CENPE: variants seen among roughly 807,000 people sequenced by gnomAD.
The protein encoded by CENPE is centromere-associated protein E.
Under a neutral mutation model 336.1 loss-of-function variants are expected in CENPE, and 145 were observed. The ratio of observed to expected loss-of-function variants is 0.43; its 90% CI spans 0.38 to 0.50. CENPE has a LOEUF of 0.50. Among genes scored for constraint, CENPE ranks in the 20% least tolerant of loss-of-function variants. The pLI, the probability that CENPE is intolerant of heterozygous loss-of-function variation, is 0.00. For missense variants in CENPE, 2,719 were observed against 3,023.3 expected, an observed-to-expected ratio of 0.90 and a Z score of 2.36; for synonymous variants, 1,013 against 984.8, an observed-to-expected ratio of 1.03 and a Z score of -0.54.
Position 103,122,863 on chromosome 4 carries a change from T to C in CENPE, c.7143+8A>G. The C allele has an allele frequency of 6.3e-7, 1 of 1,595,554 alleles. No individual in the cohort carries two copies. The highest frequency in any genetic ancestry group is 8.6e-7 in the Non-Finnish European group (1 of 1,163,896). On this transcript the variant is annotated splice_region_variant and intron_variant, in intron 43 of 48. Transcript: ENST00000265148. ...AAACTGAAGAACATTTTATAAGAAA[T>C]TATATACCTCTGTGGTTAACTGTGT...
chr4:103,182,557 T>A (rs1378496935), intron 11 of CENPE, among the ~76,000 whole-genome samples: 1 of 152,152 alleles, frequency 6.6e-6, no homozygotes, highest in African/African-American at 2.4e-5. Context: ...AGTAAAATAG[T>A]GTTGGGTGTG....
intron 46 of CENPE, among the ~76,000 whole-genome samples, chr4:103,113,498 T>C: frequency 7.1e-6 from 1 of 141,400 alleles, no homozygotes; most frequent in South Asian, 2.1e-4. Context: ...ATATATGTTA[T>C]ACTTATATAT....
chr4:103,171,449 T>A (rs77140023), intron 16 of CENPE, among the ~76,000 whole-genome samples: 2,058 of 152,058 alleles, frequency 0.014, 36 homozygotes, highest in African/African-American at 0.047. Context: ...AGAGTAATTT[T>A]AAAAAGCTAA....
chr4:103,150,160 T>C (rs72946153), intron 26 of CENPE, among the ~76,000 whole-genome samples: 9,945 of 152,218 alleles, frequency 0.065, 1,069 homozygotes, highest in African/African-American at 0.23. Context: ...CCCCAAATAC[T>C]GAGACATTAA....
At chr4:103,156,523 C>A (rs7675793) in intron 24 of CENPE, among the ~76,000 whole-genome samples, 2,726 of 152,104 alleles carry the variant, frequency 0.018, 70 homozygotes, top group African/African-American at 0.059. Context: ...AAAACAATAG[C>A]CACACACAAA....
At chr4:103,154,652 T>C (rs1259204447) in intron 24 of CENPE, among the ~76,000 whole-genome samples, 1 of 152,110 alleles carries the variant, frequency 6.6e-6, no homozygotes, top group Admixed American at 6.5e-5. Flanking sequence ...TTTTCTGTAA[T>C]GATAGCCAAG....
chr4:103,190,963 A>C (rs1289301245), intron 8 of CENPE, among the ~76,000 whole-genome samples: 15 of 152,144 alleles, frequency 9.9e-5, no homozygotes, highest in East Asian at 9.6e-4. Context: ...AAAAACAAAC[A>C]ACCACATCGA....
At chr4:103,159,994 T>A (rs1349380999) in intron 21 of CENPE, among the ~76,000 whole-genome samples, 1 of 151,842 alleles carries the variant, frequency 6.6e-6, no homozygotes, top group African/African-American at 2.4e-5. Context: ...AGGAGGCAGA[T>A]TTATGTGGCT....
chr4:103,195,875 A>T, intron 4 of CENPE, 45 bp downstream of exon 4: 1 of 1,112,718 alleles, frequency 9.0e-7, no homozygotes, highest in Non-Finnish European at 1.4e-6. Flanking sequence ...CCCAGTTTTT[A>T]CTAGTTTTAC....
intron 26 of CENPE, among the ~76,000 whole-genome samples, chr4:103,150,421 A>C (rs1425691953): frequency 6.6e-6 from 1 of 152,090 alleles, no homozygotes; most frequent in Non-Finnish European, 1.5e-5. Context: ...GTTTCTACCA[A>C]AAATACAACA....
intron 8 of CENPE, among the ~76,000 whole-genome samples, chr4:103,188,115 C>A (rs1380428454): frequency 6.6e-6 from 1 of 152,020 alleles, no homozygotes; most frequent in Non-Finnish European, 1.5e-5. Flanking sequence ...TATATATGCA[C>A]CCAATACAGG....
chr4:103,124,339 A>G (rs1364133289), intron 42 of CENPE, among the ~76,000 whole-genome samples: 1 of 152,218 alleles, frequency 6.6e-6, no homozygotes, highest in Non-Finnish European at 1.5e-5. Context: ...TTGGATGTGG[A>G]TGATGACAAT....
chr4:103,120,327 G>A lies in CENPE; in HGVS notation c.7150C>T (p.Arg2384Ter), dbSNP rs267599968. 1 of 1,604,542 alleles carries A rather than the reference G, an allele frequency of 6.2e-7. No homozygotes were observed. Among genetic ancestry groups the A allele is most frequent in the Non-Finnish European group, 8.5e-7 (1 of 1,177,586 alleles). ...RATQLTTEKI[R>*]ELENSLHEAK... is the part of the protein sequence containing the mutation. ...TCATGCAGTGAATTTTCCAGCTCTC[G>A]AATTTTCTATTAGAAAAAGCACACA... is the stretch of plus-strand genomic sequence containing the variant. Residue 2384 changes from arginine to a stop codon, truncating the protein, a stop_gained, in exon 44 of 49, where the codon CGA (arginine) becomes TGA (stop). Coordinates refer to ENST00000265148, the MANE Select transcript of CENPE (RefSeq NM_001813.3). LOFTEE classifies it high-confidence loss of function.
intron 16 of CENPE, among the ~76,000 whole-genome samples, chr4:103,172,593 T>C (rs1183184152): frequency 6.6e-6 from 1 of 152,054 alleles, no homozygotes; most frequent in Non-Finnish European, 1.5e-5. Context: ...CAGGAAGTTC[T>C]AGCTAGAGCT....
intron 16 of CENPE, among the ~76,000 whole-genome samples, chr4:103,165,879 TAA>T (rs201641959): frequency 7.9e-5 from 11 of 139,822 alleles, no homozygotes; most frequent in African/African-American, 7.9e-5. Context: ...CTTTGTGTTT[TAA>T]AAAAAAAAAA....
chr4:103,190,999 C>T (rs1408418617), intron 8 of CENPE, among the ~76,000 whole-genome samples: 2 of 150,346 alleles, frequency 1.3e-5, no homozygotes, highest in Non-Finnish European at 3.0e-5. Context: ...TATGAACAGA[C>T]ACTTCTCAAA....
chr4:103,115,905 G>A (rs1750062994), intron 45 of CENPE, among the ~76,000 whole-genome samples: 1 of 151,684 alleles, frequency 6.6e-6, no homozygotes, highest in African/African-American at 2.4e-5. Flanking sequence ...AATTTTTTTG[G>A]TATTTTTAGT....
intron 22 of CENPE, 47 bp from the exon 23 acceptor site, chr4:103,158,933 C>CT (rs780879853): frequency 3.2e-6 from 5 of 1,559,700 alleles, no homozygotes; most frequent in Non-Finnish European, 3.4e-6. Context: ...GCAGAGCAGT[C>CT]TGAGGCATAC....
chr4:103,113,793 C>T (rs1191718805), intron 46 of CENPE, among the ~76,000 whole-genome samples: 1 of 150,292 alleles, frequency 6.7e-6, no homozygotes, highest in Non-Finnish European at 1.5e-5. Context: ...GTGCTAACCC[C>T]ACGATTTCAT....
Sources: allele counts gnomAD v4.1 joint callset (sites outside exome capture counted in the v4.1 genomes callset), GRCh38; gene constraint gnomAD v4.1.1; transcripts MANE v1.5; gene names NCBI Gene and HGNC (gene_info 2026-07-23, HGNC 2026-07-21).